The following ADARB2 variants were observed in gnomAD, a reference collection of about 807,000 sequenced individuals.
ADARB2 encodes inactive double-stranded RNA-specific editase B2.
A neutral mutation model predicts 62.2 loss-of-function variants in ADARB2; 25 were observed. The ratio of observed to expected loss-of-function variants is 0.40; its 90% CI spans 0.29 to 0.56. The LOEUF (loss-of-function observed/expected upper bound fraction) is 0.56. ADARB2 is among the 20% of genes least tolerant of loss of function. ADARB2 has a pLI of 0.43. For synonymous variants in ADARB2, 572 were observed against 500.8 expected, an observed-to-expected ratio of 1.14 and a Z score of -1.90; for missense variants, 1,071 against 1,077.4, an observed-to-expected ratio of 0.99 and a Z score of 0.08.
intron 2 of ADARB2, among the ~76,000 whole-genome samples, chr10:1,370,200 A>C (rs1004445317): frequency 4.6e-5 from 7 of 152,226 alleles, no homozygotes; most frequent in African/African-American, 9.6e-5. Context: ...AAAAACAAAA[A>C]ACATAGGGTC....
intron 1 of ADARB2, among the ~76,000 whole-genome samples, chr10:1,438,790 C>T (rs372805100): frequency 8.5e-4 from 98 of 114,668 alleles, no homozygotes; most frequent in Middle Eastern, 8.3e-3. Context: ...GGAGGCAGGC[C>T]CTTCATGATG....
intron 7 of ADARB2, among the ~76,000 whole-genome samples, chr10:1,206,867 C>T (rs1837074632): frequency 6.6e-6 from 1 of 152,344 alleles, no homozygotes; most frequent in South Asian, 2.1e-4. Flanking sequence ...GCCGTCTCCA[C>T]AGCATCTGGG....
chr10:1,547,305 T>A (rs112123167), intron 1 of ADARB2, among the ~76,000 whole-genome samples: 1 of 110,384 alleles, frequency 9.1e-6, no homozygotes, highest in Non-Finnish European at 1.8e-5. Flanking sequence ...CAAATCTATG[T>A]ACTGTGTTGG....
intron 1 of ADARB2, among the ~76,000 whole-genome samples, chr10:1,544,893 AT>A (rs1372766883): frequency 2.6e-5 from 4 of 151,706 alleles, no homozygotes; most frequent in African/African-American, 9.7e-5. Context: ...TGTCTACATT[AT>A]ATATAAAGTC....
intron 5 of ADARB2, chr10:1,240,302 C>CCCTCCCGGTGTTTACTCCCCACTG (rs1830902173): frequency 6.8e-5 from 1 of 14,630 alleles, no homozygotes; most frequent in African/African-American, 4.6e-4. Context: ...ACTCCCCTCT[C>CCCTCCCGGTGTTTACTCCCCACTG]CCTCCCGGTG....
At chr10:1,580,013 C>T (rs780115688) in intron 1 of ADARB2, among the ~76,000 whole-genome samples, 6 of 152,192 alleles carry the variant, frequency 3.9e-5, no homozygotes, top group Non-Finnish European at 7.3e-5. Context: ...CTCCACTCCC[C>T]CAGGAATGTA....
At chr10:1,208,987 C>T (rs543839756) in intron 7 of ADARB2, among the ~76,000 whole-genome samples, 4 of 152,286 alleles carry the variant, frequency 2.6e-5, no homozygotes, top group Admixed American at 2.0e-4. Context: ...TAAACAGGCT[C>T]AGGGTATCCT....
chr10:1,570,759 G>T (rs1458151746), intron 1 of ADARB2, among the ~76,000 whole-genome samples: 3 of 152,170 alleles, frequency 2.0e-5, no homozygotes, highest in Non-Finnish European at 4.4e-5. Context: ...TAGTGGCTGG[G>T]AGGACGGGGC....
chr10:1,318,608 G>A (rs566743893), intron 3 of ADARB2, among the ~76,000 whole-genome samples: 641 of 29,792 alleles, frequency 0.022, 2 homozygotes, highest in Non-Finnish European at 0.028. Flanking sequence ...TGCTGTCCTC[G>A]TGTACAAGTG....
chr10:1,183,409 A>C (rs754941742), intron 9 of ADARB2, 40 bp from the exon 10 acceptor site: 1 of 1,594,630 alleles, frequency 6.3e-7, no homozygotes, highest in East Asian at 2.3e-5. Context: ...AGACACCAGC[A>C]GAAAAGGAGC....
intron 1 of ADARB2, among the ~76,000 whole-genome samples, chr10:1,508,350 G>A (rs184211987): frequency 9.8e-5 from 15 of 152,348 alleles, no homozygotes; most frequent in Non-Finnish European, 1.6e-4. Context: ...GCCAAGCTAT[G>A]TGTGAGCATG....
intron 6 of ADARB2, among the ~76,000 whole-genome samples, chr10:1,220,631 A>G (rs1006942703): frequency 6.6e-6 from 1 of 151,996 alleles, no homozygotes; most frequent in African/African-American, 2.4e-5. Flanking sequence ...TTTGGGGGAT[A>G]TTTTCTCAGG....
intron 6 of ADARB2, among the ~76,000 whole-genome samples, chr10:1,219,065 A>T: frequency 6.7e-6 from 1 of 149,540 alleles, no homozygotes; most frequent in Middle Eastern, 3.2e-3. Flanking sequence ...AAAAAAAAAA[A>T]AAAAGAGTGT....
At chr10:1,205,969 G>A (rs1288149782) in intron 7 of ADARB2, among the ~76,000 whole-genome samples, 5 of 151,802 alleles carry the variant, frequency 3.3e-5, no homozygotes, top group Non-Finnish European at 7.4e-5. Context: ...AGCCCGTTGG[G>A]GTCAGGTGGG....
rs1266559232 is a variant in ADARB2 at position 1,638,556 on chromosome 10, G to A, written c.100+98495C>T. On this transcript the variant is annotated intron_variant, in intron 1 of 9. Transcript: ENST00000381312. ...ATAGCGAAGGATACATATTTCAGGT[G>A]AACCTTTATTGAGTGCTGACTGCTA... Among the ~76,000 whole-genome samples, 5 of 151,538 alleles carry A rather than the reference G, an allele frequency of 3.3e-5. No homozygotes were observed. The East Asian group carries it at 7.8e-4, about 24-fold the overall frequency.
intron 3 of ADARB2, among the ~76,000 whole-genome samples, chr10:1,313,433 A>G (rs1384723997): frequency 1.3e-5 from 2 of 152,208 alleles, no homozygotes; most frequent in Admixed American, 1.3e-4. Context: ...CTGGGAACTA[A>G]GTGGTGGAAC....
chr10:1,202,660 C>G (rs1445585775), intron 7 of ADARB2, among the ~76,000 whole-genome samples: 1 of 152,204 alleles, frequency 6.6e-6, no homozygotes, highest in Non-Finnish European at 1.5e-5. Flanking sequence ...CCGTGCAGGG[C>G]CCAGGGCTCC....
At chr10:1,659,248 C>G (rs944275354) in intron 1 of ADARB2, among the ~76,000 whole-genome samples, 5 of 152,168 alleles carry the variant, frequency 3.3e-5, no homozygotes, top group Non-Finnish European at 7.3e-5. Flanking sequence ...TGTAAATCTG[C>G]ATTACAATGA....
At chr10:1,724,615 C>T (rs901016838) in intron 1 of ADARB2, among the ~76,000 whole-genome samples, 3 of 152,216 alleles carry the variant, frequency 2.0e-5, no homozygotes, top group Admixed American at 1.3e-4. Context: ...TCCCACTGTG[C>T]TCTCTGCCTC....
Sources: allele counts gnomAD v4.1 joint callset (sites outside exome capture counted in the v4.1 genomes callset), GRCh38; gene constraint gnomAD v4.1.1; transcripts MANE v1.5; gene names NCBI Gene and HGNC (gene_info 2026-07-23, HGNC 2026-07-21).